Variants in GNA11 observed in about 807,000 individuals in gnomAD.
GNA11 encodes G protein subunit alpha 11.
A neutral mutation model predicts 38.2 loss-of-function variants in GNA11; 8 were observed. The observed-to-expected ratio is 0.21, with a 90% CI of 0.12 to 0.38. The LOEUF (loss-of-function observed/expected upper bound fraction) is 0.38. Ranked by LOEUF, GNA11 falls within the 10% of genes least tolerant of loss-of-function variation. GNA11 has a pLI of 1.00. For synonymous variants in GNA11, 211 were observed against 221.4 expected, an observed-to-expected ratio of 0.95 and a Z score of 0.42; for missense variants, 268 against 516.3, an observed-to-expected ratio of 0.52 and a Z score of 4.66.
rs148795124 is a variant in GNA11, at chr19:3,105,981, T to C, written c.137-4168T>C. 2.6e-3 allele frequency among the ~76,000 whole-genome samples: 395 copies of C among 152,220 alleles called. 1 individual carries two copies. The highest frequency in any genetic ancestry group is 4.0e-3 in the Non-Finnish European group (272 of 67,994). ...CGGCATCTCGGAGGGGCTCACACAT[T>C]GTCTCAGGAGGAGTGGGCTGGCATT... On this transcript the variant is annotated intron_variant, in intron 1 of 6. Coordinates refer to ENST00000078429, the MANE Select transcript of GNA11 (RefSeq NM_002067.5).
rs1913699421 is a variant in GNA11, at chr19:3,108,930, C to T, written c.137-1219C>T. Among the ~76,000 whole-genome samples, 1 of 152,166 alleles carries T rather than the reference C, an allele frequency of 6.6e-6. No individual in the cohort carries two copies. The highest frequency in any genetic ancestry group is 1.5e-5 in the Non-Finnish European group (1 of 68,036). ...CCACGTGGGCCTCTCCGTGAAGCTG[C>T]TTGAGGGTCCTCACAGCGTGGCGGC... On this transcript the variant is annotated intron_variant, in intron 1 of 6. Transcript: ENST00000078429. This position sits in a 1 kb window ranked among gnomAD's most constrained non-coding sequence, Gnocchi z 4.5.
Position 3,120,072 on chromosome 19 carries a change from C to T in GNA11, c.889+713C>T, listed in dbSNP as rs1010172004. Among the ~76,000 whole-genome samples the T allele has an allele frequency of 2.0e-5, 3 of 152,078 alleles. No homozygotes were observed. The highest frequency in any genetic ancestry group is 6.5e-5 in the Admixed American group (1 of 15,280). On this transcript the variant is annotated intron_variant, in intron 6 of 6. Transcript: ENST00000078429. This position sits in a 1 kb window ranked among gnomAD's most constrained non-coding sequence, Gnocchi z 5.9. Reference sequence around the variant, plus strand: ...GCTGTCCCTGCCAGGCACAGTGAGGCCCTGGGCAGCTCTGGCGCCCTCATT... The same window carrying T: ...GCTGTCCCTGCCAGGCACAGTGAGGTCCTGGGCAGCTCTGGCGCCCTCATT...
chr19:3,105,457 T>G (rs1913617840), intron 1 of GNA11, among the ~76,000 whole-genome samples: 3 of 145,676 alleles, frequency 2.1e-5, no homozygotes, highest in Admixed American at 6.9e-5. Context: ...GTGGATTTGG[T>G]GTAGGGGGTG....
rs759218880 is a variant in GNA11, at chr19:3,121,024, A to G, written c.925A>G (p.Ile309Val). ...QRDAQAAREF[I>V]LKMFVDLNPD... ...GGACGCCCAGGCGGCGCGGGAGTTC[A>G]TCCTGAAGATGTTCGTGGACCTGAA... The change falls in exon 7 of 7, where the codon ATC (isoleucine) becomes GTC (valine). Residue 309 changes from isoleucine to valine, a missense_variant. By Grantham distance (29) the Ile-to-Val change is conservative. Transcript: ENST00000078429. 2 of 1,613,638 alleles carry G rather than the reference A, an allele frequency of 1.2e-6. No homozygotes were observed. The highest frequency in any genetic ancestry group is 1.7e-5 in the Admixed American group (1 of 60,018).
Position 3,106,534 on chromosome 19 carries a change from G to A in GNA11, c.137-3615G>A, listed in dbSNP as rs115485086. On this transcript the variant is annotated intron_variant, in intron 1 of 6. Coordinates refer to ENST00000078429, the MANE Select transcript of GNA11 (RefSeq NM_002067.5). ...GCCACCTGGGCCTGGCTTGGCTTCC[G>A]GTGGCCCAGAACTCCTGCTGGGCTC... 7.8e-3 allele frequency among the ~76,000 whole-genome samples: 1,186 copies of A among 152,298 alleles called. 6 individuals are homozygous for A. Among genetic ancestry groups the A allele is most frequent in the African/African-American group, 0.027 (1,133 of 41,562 alleles).
intron 2 of GNA11, among the ~76,000 whole-genome samples, chr19:3,111,607 C>T (rs894956281): frequency 6.6e-6 from 1 of 152,360 alleles, no homozygotes; most frequent in Non-Finnish European, 1.5e-5. Context: ...CTGTTGGGAA[C>T]GGAGCTGCCG....
At position 3,120,572 on chromosome 19, in the gene GNA11, G is replaced by C. The variant is rs373691238; in HGVS notation, c.890-417G>C. Among the ~76,000 whole-genome samples, 1 of 152,166 alleles carries C rather than the reference G, an allele frequency of 6.6e-6. No individual in the cohort carries two copies. Among genetic ancestry groups the C allele is most frequent in the African/African-American group, 2.4e-5 (1 of 41,436 alleles). ...GGCTGCAGCAGGGGCACCGTGGGTG[G>C]GTGGGGGCCACTGTTCCTGCTCTGT... On this transcript the variant is annotated intron_variant, in intron 6 of 6. Transcript: ENST00000078429. The surrounding 1 kb of genome is among the most constrained non-coding windows in gnomAD (Gnocchi z 5.9).
At position 3,110,444 on chromosome 19, in the gene GNA11, C is replaced by A; in HGVS notation, c.321+111C>A. ...GCCATGCCGGGGGTCCCGGCCGGCC[C>A]AGGCTACCCCTGGTCATCCATCCGT... On this transcript the variant is annotated intron_variant, in intron 2 of 6. Coordinates refer to ENST00000078429, the MANE Select transcript of GNA11 (RefSeq NM_002067.5). This position sits in a 1 kb window ranked among gnomAD's most constrained non-coding sequence, Gnocchi z 5.4. 1.3e-6 allele frequency: 1 copy of A among 792,126 alleles called. No homozygotes were observed. Among genetic ancestry groups the A allele is most frequent in the Non-Finnish European group, 2.0e-6 (1 of 492,358 alleles). The allele number at this position is 792,126 out of a possible 1,614,324, so 49.1% of individuals were successfully genotyped here. A position where few individuals can be genotyped will look rare whatever the true frequency, so the allele number is the denominator to read the frequency against.
At chr19:3,102,370 G>A (rs2145308017) in intron 1 of GNA11, among the ~76,000 whole-genome samples, 1 of 152,308 alleles carries the variant, frequency 6.6e-6, no homozygotes, top group East Asian at 1.9e-4. Flanking sequence ...GCTGCCCCTG[G>A]CTGTCATGCC....
intron 1 of GNA11, among the ~76,000 whole-genome samples, chr19:3,099,927 T>C (rs1329185839): frequency 6.6e-6 from 1 of 152,122 alleles, no homozygotes; most frequent in Non-Finnish European, 1.5e-5. Context: ...ACTTCAGGTC[T>C]GTGCCTCAGT....
At position 3,113,371 on chromosome 19, in the gene GNA11, G is replaced by A. The variant is rs757500793; in HGVS notation, c.363G>A (p.Val121=). Residue 121 remains valine (V), a synonymous_variant, in exon 3 of 7, where the codon GTG becomes GTA. Coordinates refer to ENST00000078429, the MANE Select transcript of GNA11 (RefSeq NM_002067.5). ...LLIREVDVEK[V]TTFEHQYVSA... is the part of the protein sequence containing the mutation. Reference sequence around the variant, plus strand: ...TCCGGGAGGTGGACGTGGAGAAGGTGACCACCTTCGAGCATCAGTACGTCA... The same window carrying A: ...TCCGGGAGGTGGACGTGGAGAAGGTAACCACCTTCGAGCATCAGTACGTCA... 15 of 1,613,392 alleles carry A rather than the reference G, an allele frequency of 9.3e-6. No individual in the cohort carries two copies. Among genetic ancestry groups the A allele is most frequent in the Non-Finnish European group, 1.3e-5 (15 of 1,179,934 alleles).
intron 1 of GNA11, among the ~76,000 whole-genome samples, chr19:3,104,984 C>T (rs1456695012): frequency 6.6e-6 from 1 of 151,794 alleles, no homozygotes; most frequent in Non-Finnish European, 1.5e-5. Flanking sequence ...GTGCCCACGA[C>T]GGCCTCCTGG....
rs1331402999 is a variant in GNA11, at chr19:3,094,383, C to A, written c.-269C>A. On this transcript the variant is annotated 5_prime_UTR_variant, in exon 1 of 7. Coordinates refer to ENST00000078429, the MANE Select transcript of GNA11 (RefSeq NM_002067.5). The surrounding 1 kb of genome is among the most constrained non-coding windows in gnomAD (Gnocchi z 6.0). ...TGCTAGGTTGTCCGGCGCTGTCGCTCGGTTGCGGCGGCTGCGGTTGGCGGT... is the reference window on the plus strand; with the variant it reads ...TGCTAGGTTGTCCGGCGCTGTCGCTAGGTTGCGGCGGCTGCGGTTGGCGGT... 1.3e-5 allele frequency: 2 copies of A among 149,662 alleles called. No individual in the cohort carries two copies. Among genetic ancestry groups the A allele is most frequent in the South Asian group, 1.8e-4 (1 of 5,508 alleles). 9.3% of individuals were successfully genotyped at this position (149,662 alleles called of 1,614,324 possible).
At chr19:3,097,474 G>T (rs1913400789) in intron 1 of GNA11, among the ~76,000 whole-genome samples, 1 of 152,210 alleles carries the variant, frequency 6.6e-6, no homozygotes, top group Admixed American at 6.5e-5. Context: ...TATGTGGGTG[G>T]TGCTGGTTTC....
chr19:3,113,031 T>TCCCCACACCGTCCC (rs1207952221), intron 2 of GNA11, among the ~76,000 whole-genome samples: 1 of 152,130 alleles, frequency 6.6e-6, no homozygotes, highest in Non-Finnish European at 1.5e-5. Flanking sequence ...ACGTGCTTGT[T>TCCCCACACCGTCCC]CCCCACACCG....
At chr19:3,099,493 C>T (rs1913451096) in intron 1 of GNA11, among the ~76,000 whole-genome samples, 1 of 152,202 alleles carries the variant, frequency 6.6e-6, no homozygotes, top group South Asian at 2.1e-4. Flanking sequence ...CAGGTGGTTG[C>T]AGGTGCATGT....
At position 3,120,458 on chromosome 19, in the gene GNA11, T is replaced by TCAC. The variant is rs1327427455; in HGVS notation, c.890-530_890-529insACC. Among the ~76,000 whole-genome samples the TCAC allele has an allele frequency of 6.8e-6, 1 of 147,332 alleles. No individual in the cohort carries two copies. The highest frequency in any genetic ancestry group is 1.5e-5 in the Non-Finnish European group (1 of 66,346). On this transcript the variant is annotated intron_variant, in intron 6 of 6. Transcript: ENST00000078429. This position sits in a 1 kb window ranked among gnomAD's most constrained non-coding sequence, Gnocchi z 5.9. ...GGGCAGGCAGGAGTTACTGGGCGGGTCGCCTGCATTGTCCAGGGTGGTGGA... is the reference window on the plus strand; with the variant it reads ...GGGCAGGCAGGAGTTACTGGGCGGGTCACCGCCTGCATTGTCCAGGGTGGTGGA...
At chr19:3,116,264 G>A (rs114269026) in intron 4 of GNA11, among the ~76,000 whole-genome samples, 2,984 of 152,266 alleles carry the variant, frequency 0.02, 108 homozygotes, top group African/African-American at 0.068. Flanking sequence ...CATCTCCAGC[G>A]CTGAGGTCCC....
chr19:3,109,543 C>G (rs1913717764), intron 1 of GNA11, among the ~76,000 whole-genome samples: 1 of 152,218 alleles, frequency 6.6e-6, no homozygotes, highest in Non-Finnish European at 1.5e-5. Context: ...CCACCTGTGG[C>G]AGGCACAACG....
Sources: allele counts gnomAD v4.1 joint callset (sites outside exome capture counted in the v4.1 genomes callset), GRCh38; gene constraint gnomAD v4.1.1; non-coding constraint Gnocchi (gnomAD v3.1); transcripts MANE v1.5; gene names NCBI Gene and HGNC (gene_info 2026-07-23, HGNC 2026-07-21).